Variants in YPEL5 observed in about 807,000 individuals in gnomAD.
The protein encoded by YPEL5 is yippee like 5, also known as protein yippee-like 5.
A neutral mutation model predicts 10.5 loss-of-function variants in YPEL5; 1 was observed. The ratio of observed to expected loss-of-function variants is 0.10; its 90% CI spans 0.03 to 0.45. The LOEUF (loss-of-function observed/expected upper bound fraction) is 0.45, where lower values mean the gene tolerates loss of function less well. Among genes scored for constraint, YPEL5 ranks in the 20% least tolerant of loss-of-function variants. The pLI is 0.97. For missense variants in YPEL5, 68 were observed against 159.3 expected (o/e 0.43, Z 3.09); for synonymous variants, 61 against 56.6 (o/e 1.08, Z -0.35).
At chr2:30,155,573 A>G (rs1676005631) in intron 1 of YPEL5, among the ~76,000 whole-genome samples, 1 of 152,264 alleles carries the variant, frequency 6.6e-6, no homozygotes, top group Non-Finnish European at 1.5e-5. Flanking sequence ...ATTATGTTTT[A>G]AATTAAAACT....
At position 30,158,797 on chromosome 2, in the gene YPEL5, G is replaced by A; in HGVS notation, c.320G>A (p.Arg107Gln). Residue 107 changes from arginine (R) to glutamine (Q), a missense_variant, in exon 3 of 3, where the codon CGA (arginine) becomes CAA (glutamine). Physicochemically the swap from Arg to Gln is conservative, Grantham distance 43 (BLOSUM62 1). Transcript: ENST00000261353. Reference sequence around the variant, plus strand: ...GTGATCCTGGAACGTGCTCTAGTTCGAGAGAGTGAGGGCTTTGAGGAGCAT... The same window carrying A: ...GTGATCCTGGAACGTGCTCTAGTTCAAGAGAGTGAGGGCTTTGAGGAGCAT... ...GRVILERALV[R>Q]ESEGFEEHVP... is the part of the protein sequence containing the mutation. 5 of 1,614,170 alleles carry A rather than the reference G, an allele frequency of 3.1e-6. No homozygotes were observed. The highest frequency in any genetic ancestry group is 4.2e-6 in the Non-Finnish European group (5 of 1,180,014).
At position 30,158,487 on chromosome 2, in the gene YPEL5, T is replaced by C. The variant is rs1005988029; in HGVS notation, c.142-132T>C. On this transcript the variant is annotated intron_variant, in intron 2 of 2. Transcript: ENST00000261353. Reference sequence around the variant, plus strand: ...CTTCTAATAAATAAGTCTTGCGTATTATAGGTTTGACTAAACTAACAAGTT... The same window carrying C: ...CTTCTAATAAATAAGTCTTGCGTATCATAGGTTTGACTAAACTAACAAGTT... 4.8e-6 allele frequency: 4 copies of C among 835,164 alleles called. No homozygotes were observed. The Admixed American group carries it at 9.2e-5, about 19-fold the overall frequency. The allele number at this position is 835,164 out of a possible 1,614,324, so 51.7% of individuals were successfully genotyped here. A position where few individuals can be genotyped will look rare whatever the true frequency, so the allele number is the denominator to read the frequency against.
chr2:30,149,687 G>A (rs964893977), intron 1 of YPEL5, among the ~76,000 whole-genome samples: 2 of 152,154 alleles, frequency 1.3e-5, no homozygotes, highest in African/African-American at 4.8e-5. Flanking sequence ...GAGTCATTGC[G>A]AAACAAAACC....
At chr2:30,150,818 A>T (rs1055134072) in intron 1 of YPEL5, among the ~76,000 whole-genome samples, 2 of 152,238 alleles carry the variant, frequency 1.3e-5, no homozygotes, top group African/African-American at 4.8e-5. Flanking sequence ...GGTAAAAAAT[A>T]TTTTAAACTT....
rs1676154981 is a variant in YPEL5 at position 30,158,828 on chromosome 2, A to G, written c.351A>G (p.Pro117=). Reference sequence around the variant, plus strand: ...GTGAGGGCTTTGAGGAGCATGTACCATCTGATAACTCTTGAAGATACAGAG... The same window carrying G: ...GTGAGGGCTTTGAGGAGCATGTACCGTCTGATAACTCTTGAAGATACAGAG... ...RESEGFEEHV[P]SDNS Residue 117 remains proline (P), a synonymous_variant, in exon 3 of 3, where the codon CCA becomes CCG. Coordinates refer to ENST00000261353, the MANE Select transcript of YPEL5 (RefSeq NM_016061.3). 6.2e-7 allele frequency: 1 copy of G among 1,614,092 alleles called. No individual in the cohort carries two copies. Among genetic ancestry groups the G allele is most frequent in the African/African-American group, 1.3e-5 (1 of 74,944 alleles).
At chr2:30,156,932 G>A (rs1160416799) in intron 2 of YPEL5, 140 bp downstream of exon 2, 13 of 1,034,634 alleles carry the variant, frequency 1.3e-5, no homozygotes, top group Non-Finnish European at 2.8e-6. Flanking sequence ...TTGCCCACTA[G>A]CTCGTCTTTG....
intron 1 of YPEL5, 82 bp from the exon 2 acceptor site, chr2:30,156,546 A>G: frequency 1.5e-6 from 2 of 1,301,098 alleles, no homozygotes; most frequent in Non-Finnish European, 1.1e-6. Context: ...TACGTATACA[A>G]ATTGTTCTCT....
intron 1 of YPEL5, among the ~76,000 whole-genome samples, chr2:30,153,918 A>G (rs569755317): frequency 1.4e-4 from 22 of 152,342 alleles, no homozygotes; most frequent in African/African-American, 5.3e-4. Flanking sequence ...AAATGTATTT[A>G]CCCTCAGTAG....
At chr2:30,155,171 T>C (rs1675988073) in intron 1 of YPEL5, among the ~76,000 whole-genome samples, 1 of 152,214 alleles carries the variant, frequency 6.6e-6, no homozygotes, top group South Asian at 2.1e-4. Flanking sequence ...CTTAAGTCTG[T>C]GTTTTAGTGC....
In YPEL5 at chr2:30,158,884, C is replaced by T. The variant is rs760404964; in HGVS notation, c.*41C>T. On this transcript the variant is annotated 3_prime_UTR_variant, in exon 3 of 3. Coordinates refer to ENST00000261353, the MANE Select transcript of YPEL5 (RefSeq NM_016061.3). ...TCCATCTTTTCCCAGGTCTCCTTCA[C>T]TGAAAACAAAAATCTACTTACATAC... The T allele has an allele frequency of 1.3e-6, 2 of 1,599,736 alleles. No homozygotes were observed. The highest frequency in any genetic ancestry group is 1.3e-5 in the African/African-American group (1 of 74,522).
chr2:30,154,965 C>G (rs1675972960), intron 1 of YPEL5, among the ~76,000 whole-genome samples: 1 of 152,200 alleles, frequency 6.6e-6, no homozygotes, highest in African/African-American at 2.4e-5. Context: ...TCTTGAACTC[C>G]TGACCCCAGG....
chr2:30,158,557 T>G (rs2103522731), intron 2 of YPEL5, 62 bp from the exon 3 acceptor site: 3 of 1,503,460 alleles, frequency 2.0e-6, no homozygotes, highest in East Asian at 2.3e-5. Flanking sequence ...CATAATATTT[T>G]GTACATACTT....
rs1226729882 is a variant in YPEL5, at chr2:30,160,373, C to G, written c.*1530C>G. ...ATACTGCATTTGAAATAAGTGGACA[C>G]AAACTATCCTTTCTCCACCATGGAC... is the stretch of plus-strand genomic sequence containing the variant. On this transcript the variant is annotated 3_prime_UTR_variant, in exon 3 of 3. Transcript: ENST00000261353. The G allele has an allele frequency of 6.6e-6, 1 of 152,218 alleles. No homozygotes were observed. The highest frequency in any genetic ancestry group is 1.5e-5 in the Non-Finnish European group (1 of 68,038). 9.4% of individuals were successfully genotyped at this position (152,218 alleles called of 1,614,324 possible). A position where few individuals can be genotyped will look rare whatever the true frequency, so the allele number is the denominator to read the frequency against.
chr2:30,149,687 G>T (rs964893977), intron 1 of YPEL5, among the ~76,000 whole-genome samples: 1 of 152,154 alleles, frequency 6.6e-6, no homozygotes, highest in Non-Finnish European at 1.5e-5. Context: ...GAGTCATTGC[G>T]AAACAAAACC....
At chr2:30,157,907 G>A (rs985709309) in intron 2 of YPEL5, among the ~76,000 whole-genome samples, 1 of 152,232 alleles carries the variant, frequency 6.6e-6, no homozygotes, top group Non-Finnish European at 1.5e-5. Flanking sequence ...ATTACGTATT[G>A]TCTACAGCTT....
chr2:30,150,440 G>C (rs900790997), intron 1 of YPEL5, among the ~76,000 whole-genome samples: 5 of 152,302 alleles, frequency 3.3e-5, no homozygotes, highest in African/African-American at 9.6e-5. Context: ...AAGCTATTAA[G>C]GGGGAAGAGC....
At chr2:30,151,951 C>T (rs1040775513) in intron 1 of YPEL5, among the ~76,000 whole-genome samples, 3 of 152,178 alleles carry the variant, frequency 2.0e-5, no homozygotes, top group Non-Finnish European at 4.4e-5. Context: ...AGCAATCAGA[C>T]AGAAAGCAGA....
At chr2:30,153,886 A>G (rs1006017985) in intron 1 of YPEL5, among the ~76,000 whole-genome samples, 2 of 152,222 alleles carry the variant, frequency 1.3e-5, no homozygotes, top group African/African-American at 4.8e-5. Flanking sequence ...AAATAGATGG[A>G]ATCAGGGGAA....
At position 30,158,759 on chromosome 2, in the gene YPEL5, T is replaced by C. The variant is rs534446426; in HGVS notation, c.282T>C (p.Tyr94=). Residue 94 remains tyrosine, a synonymous_variant, in exon 3 of 3, where the codon TAT becomes TAC. Transcript: ENST00000261353. ...TTGCCACTGAAGACAGCCAGCGATA[T>C]AAGGAAGGCCGCGTGATCCTGGAAC... The part of the protein sequence containing the change: ...YEFATEDSQR[Y]KEGRVILERA... 4 of 1,614,160 alleles carry C rather than the reference T, an allele frequency of 2.5e-6. No homozygotes were observed. Among genetic ancestry groups the C allele is most frequent in the Middle Eastern group, 1.6e-4 (1 of 6,062 alleles).
Sources: gnomAD v4.1 joint callset for allele counts (sites outside exome capture counted in the v4.1 genomes callset) on GRCh38, gnomAD v4.1.1 for gene constraint, MANE v1.5 for transcripts, NCBI Gene and HGNC (gene_info 2026-07-23, HGNC 2026-07-21) for gene names.